Variants in RUNX1T1 observed in about 807,000 individuals in gnomAD.
The protein encoded by RUNX1T1 is protein CBFA2T1.
RUNX1T1 carries 4 observed loss-of-function variants against 62.8 expected under a neutral mutation model. The observed-to-expected ratio is 0.06, with a 90% confidence interval of 0.03 to 0.15. The LOEUF is 0.15. RUNX1T1 is among the 10% of genes least tolerant of loss of function. The pLI is 1.00. For synonymous variants in RUNX1T1, 291 were observed against 286.0 expected (o/e 1.02, Z -0.18); for missense variants, 508 against 754.3 (o/e 0.67, Z 3.82).
intron 1 of RUNX1T1, among the ~76,000 whole-genome samples, chr8:92,056,157 A>C (rs1397092655): frequency 6.6e-6 from 1 of 152,222 alleles, no homozygotes; most frequent in Non-Finnish European, 1.5e-5. Flanking sequence ...GTGAAGTTAA[A>C]TGAGGGAAAG....
intron 1 of RUNX1T1, among the ~76,000 whole-genome samples, chr8:92,086,468 G>C (rs1296325263): frequency 6.6e-6 from 1 of 152,108 alleles, no homozygotes; most frequent in African/African-American, 2.4e-5. Flanking sequence ...ACACATGAGG[G>C]AGCCAAGTCC....
At chr8:92,096,891 G>T (rs371487148) in intron 1 of RUNX1T1, among the ~76,000 whole-genome samples, 1 of 152,078 alleles carries the variant, frequency 6.6e-6, no homozygotes, top group African/African-American at 2.4e-5. Context: ...AAAATGAGGA[G>T]AAGCATTGTT....
chr8:92,001,402 A>G (rs964639392), intron 5 of RUNX1T1, among the ~76,000 whole-genome samples: 3 of 152,150 alleles, frequency 2.0e-5, no homozygotes, highest in Non-Finnish European at 4.4e-5. Flanking sequence ...TGGTGTATCT[A>G]TAAGATCCCT....
At chr8:92,093,822 T>C (rs1837391150) in intron 1 of RUNX1T1, among the ~76,000 whole-genome samples, 1 of 152,230 alleles carries the variant, frequency 6.6e-6, no homozygotes, top group Non-Finnish European at 1.5e-5. Context: ...TATCCTTCTA[T>C]ATAAAATATG....
intron 1 of RUNX1T1, among the ~76,000 whole-genome samples, chr8:92,037,511 C>G (rs765835238): frequency 4.6e-5 from 7 of 152,094 alleles, no homozygotes; most frequent in Non-Finnish European, 1.0e-4. Context: ...AACCCTGTCT[C>G]TACAGAAAAA....
exon 1 of RUNX1T1, chr8:92,099,651 C>G: frequency 1.0e-6 from 1 of 985,396 alleles, no homozygotes; most frequent in Non-Finnish European, 1.2e-6. Context: ...GCCAATTTTT[C>G]AGACTGCTTT....
intron 1 of RUNX1T1, chr8:92,095,529 G>A: frequency 6.7e-7 from 1 of 1,493,784 alleles, no homozygotes; most frequent in Non-Finnish European, 8.9e-7. Flanking sequence ...GCATCAGGGT[G>A]ATTACAATAT....
intron 1 of RUNX1T1, among the ~76,000 whole-genome samples, chr8:92,077,457 G>T (rs927762828): frequency 6.6e-6 from 1 of 152,036 alleles, no homozygotes; most frequent in Non-Finnish European, 1.5e-5. Flanking sequence ...GGTGCACACA[G>T]CGGGGAAGAC....
Position 91,987,022 on chromosome 8 carries a change from C to T in RUNX1T1, c.911-50G>A, listed in dbSNP as rs1162484061. The T allele has an allele frequency of 2.5e-6, 3 of 1,185,670 alleles. No individual in the cohort carries two copies. The East Asian group carries it at 7.0e-5, about 28-fold the overall frequency. The allele number at this position is 1,185,670 out of a possible 1,614,324, so 73.4% of individuals were successfully genotyped here. ...AACCCTAAAGCATTCAGTACACAAC[C>T]CATAAACACACAGACTCATAGCAAG... On this transcript the variant is annotated intron_variant, in intron 6 of 10. Transcript: ENST00000396218.
chr8:92,057,082 C>G (rs1163373266), intron 1 of RUNX1T1, among the ~76,000 whole-genome samples: 2 of 152,080 alleles, frequency 1.3e-5, no homozygotes, highest in African/African-American at 4.8e-5. Flanking sequence ...TGTTCTCTTT[C>G]AAGAGGAATA....
At chr8:92,062,453 A>G in intron 1 of RUNX1T1, 1 of 1,364,862 alleles carries the variant, frequency 7.3e-7, no homozygotes, top group East Asian at 2.3e-5. Flanking sequence ...CAGATACAAC[A>G]CGCTGTGGGG....
At chr8:92,020,890 C>A (rs1413282625) in intron 1 of RUNX1T1, among the ~76,000 whole-genome samples, 1 of 142,298 alleles carries the variant, frequency 7.0e-6, no homozygotes, top group Non-Finnish European at 1.5e-5. Context: ...ACTTACTTTA[C>A]TTTTAGTTAG....
intron 5 of RUNX1T1, among the ~76,000 whole-genome samples, chr8:91,998,624 C>A (rs1292125580): frequency 1.3e-5 from 2 of 152,236 alleles, no homozygotes; most frequent in Non-Finnish European, 2.9e-5. Context: ...AGGTGGAATG[C>A]TTCCGTCACG....
At chr8:92,025,637 A>G (rs1824997712) in intron 1 of RUNX1T1, among the ~76,000 whole-genome samples, 1 of 152,230 alleles carries the variant, frequency 6.6e-6, no homozygotes, top group Non-Finnish European at 1.5e-5. Context: ...TCCCTCCTGC[A>G]GCACTGATCA....
At chr8:92,027,567 T>C (rs1325845161) in intron 1 of RUNX1T1, among the ~76,000 whole-genome samples, 1 of 152,168 alleles carries the variant, frequency 6.6e-6, no homozygotes, top group East Asian at 1.9e-4. Context: ...CCCAAAGATA[T>C]GTAAGCTATG....
intron 1 of RUNX1T1, among the ~76,000 whole-genome samples, chr8:92,056,175 G>A (rs892129268): frequency 1.3e-5 from 2 of 152,112 alleles, no homozygotes; most frequent in African/African-American, 4.8e-5. Context: ...AAGTTCAAAC[G>A]TAAAATAACG....
intron 5 of RUNX1T1, among the ~76,000 whole-genome samples, chr8:92,002,671 T>A (rs1462991859): frequency 6.6e-6 from 1 of 152,124 alleles, no homozygotes; most frequent in African/African-American, 2.4e-5. Flanking sequence ...CCCAGTGTTA[T>A]TACAGAAACA....
chr8:91,976,006 G>A (rs1166283205), intron 8 of RUNX1T1, 33 bp from the exon 10 acceptor site: 6 of 1,482,350 alleles, frequency 4.0e-6, no homozygotes, highest in African/African-American at 2.8e-5. Context: ...GTGGAGAGAG[G>A]AGGAGAGTAC....
rs761765104 is a variant in RUNX1T1 at position 91,986,953 on chromosome 8, T to A, written c.930A>T (p.Gln310His). ...TTAGTCTGTGATCAATCATTTCTTC[T>A]TGACGTGTGCCATGCAACCCTACAA... is the stretch of plus-strand genomic sequence containing the variant. Residue 310 changes from glutamine to histidine, a missense_variant, in exon 7 of 11, where the codon CAA becomes CAT. By Grantham distance (24) the Gln-to-His change is conservative. Around this residue, in one of 7 missense-constraint regions of RUNX1T1, gnomAD observed 167 missense variants for 208.6 expected, o/e 0.80. Transcript: ENST00000396218. 3 of 1,612,306 alleles carry A rather than the reference T, an allele frequency of 1.9e-6. No homozygotes were observed. The highest frequency in any genetic ancestry group is 2.5e-6 in the Non-Finnish European group (3 of 1,178,592).
Sources: allele counts gnomAD v4.1 joint callset (sites outside exome capture counted in the v4.1 genomes callset), GRCh38; gene constraint gnomAD v4.1.1; regional missense constraint gnomAD v4.1.1; transcripts MANE v1.5; gene names NCBI Gene and HGNC (gene_info 2026-07-23, HGNC 2026-07-21).